RDM1: variants seen among roughly 807,000 people sequenced by gnomAD.
RDM1 encodes RAD52 motif-containing protein 1.
Under a neutral mutation model 27.7 loss-of-function variants are expected in RDM1, and 28 were observed. The observed-to-expected ratio is 1.01, with a 90% CI of 0.75 to 1.39. The LOEUF is 1.39. Ranked by LOEUF, RDM1 falls within the 40% of genes most tolerant of loss-of-function variation. The pLI, the probability that RDM1 is intolerant of heterozygous loss-of-function variation, is 0.00. For synonymous variants in RDM1, 124 were observed against 127.5 expected, an observed-to-expected ratio of 0.97 and a Z score of 0.19; for missense variants, 277 against 337.3, an observed-to-expected ratio of 0.82 and a Z score of 1.40.
At chr17:35,924,254 A>G (rs187713337) in intron 4 of RDM1, among the ~76,000 whole-genome samples, 12 of 152,058 alleles carry the variant, frequency 7.9e-5, no homozygotes, top group African/African-American at 2.7e-4. Context: ...AAAAATCTTT[A>G]GATGGTTTTG....
In RDM1 at chr17:35,921,234, G is replaced by A. The variant is rs574238046; in HGVS notation, c.668-962C>T. Among the ~76,000 whole-genome samples the A allele has an allele frequency of 1.1e-4, 17 of 152,316 alleles. No homozygotes were observed. In the South Asian group the frequency reaches 2.1e-3, roughly 19 times the overall value. On this transcript the variant is annotated intron_variant, in intron 5 of 6. Transcript: ENST00000620284. ...GAGAGGTAAACAACACACACACTTC[G>A]TTTGGTTCTTAAATGTTGTTACTCA...
chr17:35,930,485 G>T, intron 1 of RDM1, 147 bp downstream of exon 1: 1 of 882,096 alleles, frequency 1.1e-6, no homozygotes, highest in South Asian at 1.8e-5. Context: ...GTTGGGGGTC[G>T]TCAGTTGTCA....
rs146699825 is a variant in RDM1, at chr17:35,921,081, C to T, written c.668-809G>A. Among the ~76,000 whole-genome samples the T allele has an allele frequency of 2.4e-3, 370 of 152,298 alleles. 2 individuals carry two copies. The highest frequency in any genetic ancestry group is 8.3e-3 in the African/African-American group (347 of 41,564). The stretch of plus-strand genomic sequence containing the variant: ...GCTTCTGAGAGAGAGAACATTTGAA[C>T]ATTTTATTGGCAGACACAGGCTCAC... On this transcript the variant is annotated intron_variant, in intron 5 of 6. Transcript: ENST00000620284.
rs763086779 is a variant in RDM1, at chr17:35,925,647, T to C, written c.277-10A>G. ...TGGTGCCAAGACGAACCTAAAATCATAGGAGATAGACCCATAAATATCACA... is the reference window on the plus strand; with the variant it reads ...TGGTGCCAAGACGAACCTAAAATCACAGGAGATAGACCCATAAATATCACA... On this transcript the variant is annotated splice_polypyrimidine_tract_variant and intron_variant, in intron 2 of 6. Coordinates refer to ENST00000620284, the MANE Select transcript of RDM1 (RefSeq NM_145654.4). The C allele has an allele frequency of 4.2e-5, 67 of 1,611,906 alleles. No individual in the cohort carries two copies. The highest frequency in any genetic ancestry group is 3.2e-4 in the Admixed American group (19 of 59,786).
chr17:35,922,608 A>G lies in RDM1; in HGVS notation c.636T>C (p.Asp212=). The part of the protein sequence containing the change: ...QKLAIQKALS[D]AFQKLLIVVL... Reference sequence around the variant, plus strand: ...CAACAATCAACAGTTTCTGGAATGCATCTGACAAAGCCTTCTGAATAGCAA... The same window carrying G: ...CAACAATCAACAGTTTCTGGAATGCGTCTGACAAAGCCTTCTGAATAGCAA... Residue 212 remains aspartate (D), a synonymous_variant, in exon 5 of 7, where the codon GAT becomes GAC. Transcript: ENST00000620284. 6.2e-7 allele frequency: 1 copy of G among 1,611,908 alleles called. No homozygotes were observed.
chr17:35,926,083 G>A lies in RDM1; in HGVS notation c.277-446C>T, dbSNP rs188318071. ...TGGGAGGCAGAGGTTGCAGTGAGCC[G>A]AGATGGTGCCATGCACTCCACCCTA... is the stretch of plus-strand genomic sequence containing the variant. On this transcript the variant is annotated intron_variant, in intron 2 of 6. Transcript: ENST00000620284. Among the ~76,000 whole-genome samples, 59 of 151,236 alleles carry A rather than the reference G, an allele frequency of 3.9e-4. 1 individual carries two copies. The highest frequency in any genetic ancestry group is 3.1e-3 in the East Asian group (16 of 5,100).
At position 35,918,357 on chromosome 17, in the gene RDM1, CA is replaced by C. The variant is rs2088816800; in HGVS notation, c.839del (p.Leu280ArgfsTer?). 1 of 1,613,692 alleles carries C rather than the reference CA, an allele frequency of 6.2e-7. No individual in the cohort carries two copies. On this transcript the variant is annotated frameshift_variant, in exon 7 of 7. Transcript: ENST00000620284. LOFTEE classifies it high-confidence loss of function. The stretch of plus-strand genomic sequence containing the variant: ...TTCAGAAATGCTAGTCAAGTTCTGG[CA>C]GCCTGAACTCTTCCTCCTCCAAGCT... ...DFSLEEEEFR[L>X]PELD is the part of the protein sequence containing the mutation.
chr17:35,927,929 A>G (rs1450235509), intron 2 of RDM1, among the ~76,000 whole-genome samples: 1 of 152,248 alleles, frequency 6.6e-6, no homozygotes, highest in Admixed American at 6.5e-5. Context: ...AACAGACCAT[A>G]GTTCAAAAGT....
At chr17:35,926,485 G>C (rs1342635455) in intron 2 of RDM1, among the ~76,000 whole-genome samples, 5 of 151,930 alleles carry the variant, frequency 3.3e-5, no homozygotes, top group Non-Finnish European at 5.9e-5. Context: ...CTCACTGCAA[G>C]CTCCGCCTGC....
chr17:35,925,482 T>G, intron 3 of RDM1, 33 bp downstream of exon 3: 1 of 1,609,382 alleles, frequency 6.2e-7, no homozygotes, highest in Non-Finnish European at 8.5e-7. Flanking sequence ...GAAAGGAGAG[T>G]GTGGTAAGTG....
At chr17:35,918,736 T>C (rs1196379488) in intron 6 of RDM1, among the ~76,000 whole-genome samples, 1 of 152,202 alleles carries the variant, frequency 6.6e-6, no homozygotes, top group African/African-American at 2.4e-5. Flanking sequence ...AGGTCTACCC[T>C]GTGTGCACAC....
intron 6 of RDM1, 99 bp downstream of exon 6, chr17:35,920,088 T>C (rs1004613964): frequency 3.2e-6 from 2 of 633,700 alleles, no homozygotes; most frequent in African/African-American, 3.7e-5. Flanking sequence ...GTTTCACATT[T>C]TCCTAAGAAT....
intron 4 of RDM1, among the ~76,000 whole-genome samples, chr17:35,923,524 G>T (rs2141935988): frequency 6.6e-6 from 1 of 151,936 alleles, no homozygotes; most frequent in East Asian, 1.9e-4. Flanking sequence ...ATAGCCAGGT[G>T]TGGTGGTAGG....
chr17:35,924,378 C>T (rs1031945141), intron 4 of RDM1, among the ~76,000 whole-genome samples: 4 of 152,052 alleles, frequency 2.6e-5, no homozygotes, highest in African/African-American at 4.8e-5. Flanking sequence ...CTAAGCTTCT[C>T]GGCAGGAAGT....
chr17:35,924,975 A>G (rs2089086940), intron 3 of RDM1, among the ~76,000 whole-genome samples: 1 of 152,092 alleles, frequency 6.6e-6, no homozygotes, highest in African/African-American at 2.4e-5. Context: ...CTCTACTAAA[A>G]ATACAAAAAT....
intron 5 of RDM1, among the ~76,000 whole-genome samples, chr17:35,921,687 G>C (rs1314678380): frequency 6.6e-6 from 1 of 152,144 alleles, no homozygotes; most frequent in Non-Finnish European, 1.5e-5. Context: ...TCAGCAGAGA[G>C]CTTATTTATT....
chr17:35,919,527 T>C (rs531550383), intron 6 of RDM1, among the ~76,000 whole-genome samples: 8 of 152,300 alleles, frequency 5.3e-5, no homozygotes, highest in South Asian at 2.1e-4. Flanking sequence ...CTGAAGGCAA[T>C]TGTAACATAA....
intron 4 of RDM1, among the ~76,000 whole-genome samples, chr17:35,923,313 G>A (rs2141935087): frequency 7.2e-6 from 1 of 139,048 alleles, no homozygotes; most frequent in South Asian, 2.3e-4. Flanking sequence ...TCATGCCACT[G>A]CACTCCAGCC....
Position 35,930,691 on chromosome 17 carries a change from T to C in RDM1, c.37A>G (p.Ser13Gly). Residue 13 changes from serine to glycine, a missense_variant, in exon 1 of 7, where the codon AGT becomes GGT. Coordinates refer to ENST00000620284, the MANE Select transcript of RDM1 (RefSeq NM_145654.4). ...ELVPFAVPIE[S>G]DKTLLVWELS... Reference sequence around the variant, plus strand: ...TCCCACACTAGCAAGGTTTTGTCACTCTCGATGGGAACCGCAAAAGGTACC... The same window carrying C: ...TCCCACACTAGCAAGGTTTTGTCACCCTCGATGGGAACCGCAAAAGGTACC... 1.2e-6 allele frequency: 2 copies of C among 1,613,654 alleles called. No individual in the cohort carries two copies. Among genetic ancestry groups the C allele is most frequent in the East Asian group, 2.2e-5 (1 of 44,810 alleles).
Sources: allele counts gnomAD v4.1 joint callset (sites outside exome capture counted in the v4.1 genomes callset), GRCh38; gene constraint gnomAD v4.1.1; transcripts MANE v1.5; gene names NCBI Gene and HGNC (gene_info 2026-07-23, HGNC 2026-07-21).